The following MARCO variants were observed in gnomAD, a reference collection of about 807,000 sequenced individuals.
The protein encoded by MARCO is macrophage receptor with collagenous structure, also known as macrophage receptor MARCO.
MARCO carries 72 observed loss-of-function variants against 70.0 expected under a neutral mutation model. That is an observed-to-expected ratio of 1.03 (90% CI 0.85 to 1.25). The LOEUF (loss-of-function observed/expected upper bound fraction) is 1.25, where lower values mean the gene tolerates loss of function less well. Among genes scored for constraint, MARCO ranks in the 50% most tolerant of loss-of-function variants. The pLI, the probability that MARCO is intolerant of heterozygous loss-of-function variation, is 0.00. For missense variants in MARCO, 696 were observed against 659.3 expected (o/e 1.06, Z -0.61); for synonymous variants, 273 against 243.1 (o/e 1.12, Z -1.14).
chr2:118,981,641 G>A lies in MARCO; in HGVS notation c.886G>A (p.Ala296Thr). 6.2e-7 allele frequency: 1 copy of A among 1,613,958 alleles called. No homozygotes were observed. The highest frequency in any genetic ancestry group is 8.5e-7 in the Non-Finnish European group (1 of 1,179,980). ...CTTAGGTTTGGCTGGTTTTCCTGGA[G>A]CTAAAGGAGATCAAGGTAAGAACTA... ...GPPGLAGFPG[A>T]KGDQGQPGLQ... Residue 296 changes from alanine (A) to threonine (T), a missense_variant, in exon 10 of 17, where the codon GCT becomes ACT. Ala to Thr is a moderately conservative substitution (Grantham distance 58, BLOSUM62 0). Coordinates refer to ENST00000327097, the MANE Select transcript of MARCO (RefSeq NM_006770.4).
Position 118,990,569 on chromosome 2 carries a change from C to CTTT in MARCO, c.1064-16_1064-14dup. On this transcript the variant is annotated intron_variant, in intron 12 of 16. Transcript: ENST00000327097. ...AGTTTTATTATCTCCTCCCCCCCCC[C>CTTT]TTTTTTGTTTTGATCTTAGGACTTC... 7.1e-7 allele frequency: 1 copy of CTTT among 1,415,986 alleles called. No individual in the cohort carries two copies. Among genetic ancestry groups the CTTT allele is most frequent in the Non-Finnish European group, 9.7e-7 (1 of 1,028,340 alleles). The allele number at this position is 1,415,986 out of a possible 1,614,324, so 87.7% of individuals were successfully genotyped here. A position where few individuals can be genotyped will look rare whatever the true frequency, so the allele number is the denominator to read the frequency against.
chr2:118,989,804 C>A (rs1680587493), intron 12 of MARCO, among the ~76,000 whole-genome samples: 1 of 152,184 alleles, frequency 6.6e-6, no homozygotes, highest in African/African-American at 2.4e-5. Flanking sequence ...CTTGCATTTT[C>A]CCAAGTTTGT....
chr2:118,983,397 C>A (rs1680430667), intron 12 of MARCO, among the ~76,000 whole-genome samples: 1 of 152,212 alleles, frequency 6.6e-6, no homozygotes, highest in Admixed American at 6.5e-5. Flanking sequence ...TCCTGGCAAA[C>A]CTTGGGCTCT....
intron 1 of MARCO, among the ~76,000 whole-genome samples, chr2:118,960,150 A>G (rs980715): frequency 0.089 from 13,537 of 151,646 alleles, 819 homozygotes; most frequent in South Asian, 0.27. Context: ...TAAAAATAAA[A>G]CTTTTTTTGT....
intron 1 of MARCO, among the ~76,000 whole-genome samples, chr2:118,961,540 TC>T (rs1382009406): frequency 6.6e-6 from 1 of 152,214 alleles, no homozygotes; most frequent in African/African-American, 2.4e-5. Context: ...TCTGTTCATG[TC>T]CCTTATTCAC....
intron 1 of MARCO, among the ~76,000 whole-genome samples, chr2:118,954,651 C>T (rs1679794413): frequency 6.6e-6 from 1 of 152,192 alleles, no homozygotes; most frequent in African/African-American, 2.4e-5. Context: ...GCTAAGGACC[C>T]TCACAGAGTC....
At position 118,950,819 on chromosome 2, in the gene MARCO, TGA is replaced by T. The variant is rs1255547504; in HGVS notation, c.97+8423_97+8424del. On this transcript the variant is annotated intron_variant, in intron 1 of 16. Coordinates refer to ENST00000327097, the MANE Select transcript of MARCO (RefSeq NM_006770.4). ...TCCCCCCTTTTTTTTTCCTCAAAGA[TGA>T]TAGCCATTCTTTTCCAAAGTGAACT... Among the ~76,000 whole-genome samples the T allele has an allele frequency of 5.9e-5, 9 of 152,142 alleles. 1 individual carries two copies. The East Asian group carries it at 1.6e-3, about 26-fold the overall frequency.
At chr2:118,951,849 GTC>G (rs909943360) in intron 1 of MARCO, among the ~76,000 whole-genome samples, 1 of 151,166 alleles carries the variant, frequency 6.6e-6, no homozygotes, top group Non-Finnish European at 1.5e-5. Context: ...TTATCTCTCT[GTC>G]TCTTTCTCTC....
intron 1 of MARCO, among the ~76,000 whole-genome samples, chr2:118,951,813 G>GTCTC (rs965280332): frequency 6.6e-6 from 1 of 151,768 alleles, no homozygotes; most frequent in African/African-American, 2.4e-5. Flanking sequence ...CCTTGACTCT[G>GTCTC]TCTCTCTCTC....
chr2:118,972,433 CA>C (rs1680191328), intron 4 of MARCO, among the ~76,000 whole-genome samples: 1 of 152,162 alleles, frequency 6.6e-6, no homozygotes, highest in South Asian at 2.1e-4. Context: ...GTGATGGAAG[CA>C]GGGACTTGGG....
chr2:118,994,092 C>T (rs1013204016), intron 16 of MARCO, among the ~76,000 whole-genome samples: 1 of 152,106 alleles, frequency 6.6e-6, no homozygotes, highest in Admixed American at 6.5e-5. Flanking sequence ...AGGACACCCG[C>T]CTAGGAAGAT....
intron 5 of MARCO, 31 bp downstream of exon 5, chr2:118,974,471 A>G: frequency 1.2e-6 from 2 of 1,612,016 alleles, no homozygotes; most frequent in Non-Finnish European, 1.7e-6. Context: ...ACCCTTAATC[A>G]TTTTCCTCCT....
chr2:118,991,582 G>A (rs1395704094), intron 13 of MARCO, among the ~76,000 whole-genome samples, 195 bp from the exon 14 acceptor site: 4 of 152,206 alleles, frequency 2.6e-5, no homozygotes, highest in Non-Finnish European at 5.9e-5. Context: ...GCCTGTTCTC[G>A]ACAGCATTTA....
intron 1 of MARCO, among the ~76,000 whole-genome samples, chr2:118,945,076 G>A (rs1343743385): frequency 2.0e-5 from 3 of 152,046 alleles, no homozygotes; most frequent in Non-Finnish European, 2.9e-5. Context: ...TTTCCTGAGG[G>A]GACTTGACAT....
chr2:118,981,400 G>A lies in MARCO; in HGVS notation c.767-9G>A, dbSNP rs771549109. Reference sequence around the variant, plus strand: ...TCCCACAACTAACCAAGACTTTTTGGTTTTTCAGGAAGCAAAGGGGACAGG... The same window carrying A: ...TCCCACAACTAACCAAGACTTTTTGATTTTTCAGGAAGCAAAGGGGACAGG... On this transcript the variant is annotated splice_polypyrimidine_tract_variant and intron_variant, in intron 8 of 16. Coordinates refer to ENST00000327097, the MANE Select transcript of MARCO (RefSeq NM_006770.4). 2 of 1,593,880 alleles carry A rather than the reference G, an allele frequency of 1.3e-6. No homozygotes were observed. Among genetic ancestry groups the A allele is most frequent in the South Asian group, 2.3e-5 (2 of 87,610 alleles).
At chr2:118,981,030 T>A (rs1490952956) in intron 8 of MARCO, among the ~76,000 whole-genome samples, 2 of 152,186 alleles carry the variant, frequency 1.3e-5, no homozygotes, top group East Asian at 3.9e-4. Context: ...TTCTCAGCAT[T>A]TGGGATCTGC....
intron 3 of MARCO, 43 bp downstream of exon 3, chr2:118,970,381 T>G (rs1307422412): frequency 6.9e-7 from 1 of 1,444,254 alleles, no homozygotes; most frequent in African/African-American, 1.4e-5. Flanking sequence ...TCAACAGAGG[T>G]CTGGGAGACA....
chr2:118,981,085 A>AT (rs1680379019), intron 8 of MARCO, among the ~76,000 whole-genome samples: 2 of 152,188 alleles, frequency 1.3e-5, no homozygotes, highest in Non-Finnish European at 2.9e-5. Flanking sequence ...AATTCAAATA[A>AT]TTGCCAAAAT....
Position 118,990,569 on chromosome 2 carries a change from C to CGGGGGGGGGTG in MARCO, c.1064-20_1064-19insGGGGGGGGGTG. 1.4e-6 allele frequency: 2 copies of CGGGGGGGGGTG among 1,415,982 alleles called. No homozygotes were observed. The highest frequency in any genetic ancestry group is 1.9e-6 in the Non-Finnish European group (2 of 1,028,336). 87.7% of individuals were successfully genotyped at this position (1,415,982 alleles called of 1,614,324 possible). A position where few individuals can be genotyped will look rare whatever the true frequency, so the allele number is the denominator to read the frequency against. ...AGTTTTATTATCTCCTCCCCCCCCC[C>CGGGGGGGGGTG]TTTTTTGTTTTGATCTTAGGACTTC... On this transcript the variant is annotated intron_variant, in intron 12 of 16. Coordinates refer to ENST00000327097, the MANE Select transcript of MARCO (RefSeq NM_006770.4).
Sources: allele counts gnomAD v4.1 joint callset (sites outside exome capture counted in the v4.1 genomes callset), GRCh38; gene constraint gnomAD v4.1.1; transcripts MANE v1.5; gene names NCBI Gene and HGNC (gene_info 2026-07-23, HGNC 2026-07-21).